The following SLC24A2 variants were observed in gnomAD, a reference collection of about 807,000 sequenced individuals.
The protein encoded by SLC24A2 is sodium/potassium/calcium exchanger 2.
SLC24A2 carries 36 observed loss-of-function variants against 62.0 expected under a neutral mutation model. The ratio of observed to expected loss-of-function variants is 0.58; its 90% CI spans 0.44 to 0.77. The LOEUF (loss-of-function observed/expected upper bound fraction) is 0.77. Ranked by LOEUF, SLC24A2 falls within the 30% of genes least tolerant of loss-of-function variation. SLC24A2 has a pLI of 0.00. For missense variants in SLC24A2, 846 were observed against 817.9 expected (o/e 1.03, Z -0.42); for synonymous variants, 358 against 294.0 (o/e 1.22, Z -2.23).
At chr9:19,904,570 C>T in the SLC24A2 span, among the ~76,000 whole-genome samples, 1 of 152,152 alleles carries the variant, frequency 6.6e-6, no homozygotes, top group African/African-American at 2.4e-5. Context: ...GACTATAAGA[C>T]CTGCCATAAA....
At chr9:20,187,056 C>T in the SLC24A2 span, among the ~76,000 whole-genome samples, 1 of 152,076 alleles carries the variant, frequency 6.6e-6, no homozygotes, top group East Asian at 1.9e-4. Flanking sequence ...GAAAGCTAGG[C>T]CTGGAGACAG....
At chr9:19,551,641 T>G (rs1174055738) in intron 7 of SLC24A2, among the ~76,000 whole-genome samples, 1 of 152,192 alleles carries the variant, frequency 6.6e-6, no homozygotes, top group Non-Finnish European at 1.5e-5. Flanking sequence ...GGGCTCTTGC[T>G]TCCAGCACCA....
chr9:19,944,438 T>C, the SLC24A2 span, among the ~76,000 whole-genome samples: 1 of 108,334 alleles, frequency 9.2e-6, no homozygotes, highest in African/African-American at 3.8e-5. Context: ...ATAAAAGTAG[T>C]AGTAAAAAAA....
intron 5 of SLC24A2, among the ~76,000 whole-genome samples, chr9:19,581,226 G>T (rs180914511): frequency 6.6e-5 from 10 of 152,226 alleles, no homozygotes; most frequent in Admixed American, 5.9e-4. Context: ...CACTTGATTA[G>T]AAAAAGGATC....
chr9:20,126,387 G>C, the SLC24A2 span, among the ~76,000 whole-genome samples: 2 of 150,808 alleles, frequency 1.3e-5, no homozygotes, highest in East Asian at 3.9e-4. Flanking sequence ...TTTTTTTCTA[G>C]ATATTAAACT....
At chr9:19,829,372 G>C in the SLC24A2 span, among the ~76,000 whole-genome samples, 1 of 152,144 alleles carries the variant, frequency 6.6e-6, no homozygotes, top group Non-Finnish European at 1.5e-5. Context: ...TGGTTGAGAA[G>C]ACTAAATGAT....
At chr9:19,703,975 T>C (rs987698524) in intron 2 of SLC24A2, among the ~76,000 whole-genome samples, 3 of 152,218 alleles carry the variant, frequency 2.0e-5, no homozygotes, top group Admixed American at 6.5e-5. Flanking sequence ...AGAATGTGTC[T>C]CATCCTAGCA....
chr9:19,708,716 A>C (rs1587193468), intron 2 of SLC24A2, among the ~76,000 whole-genome samples: 2 of 152,236 alleles, frequency 1.3e-5, no homozygotes, highest in Non-Finnish European at 2.9e-5. Context: ...GAGAAAGCTG[A>C]AACTGGATCC....
the SLC24A2 span, among the ~76,000 whole-genome samples, chr9:19,961,510 T>C: frequency 1.3e-5 from 2 of 152,248 alleles, no homozygotes; most frequent in African/African-American, 2.4e-5. Flanking sequence ...TTTCATCCTT[T>C]GGAGGTTAGC....
chr9:19,638,021 T>C (rs934493006), intron 2 of SLC24A2, among the ~76,000 whole-genome samples: 19 of 152,228 alleles, frequency 1.2e-4, no homozygotes, highest in African/African-American at 4.3e-4. Context: ...TTGACTTACA[T>C]GCATTATTCA....
At chr9:19,612,729 A>G (rs1837213108) in intron 4 of SLC24A2, among the ~76,000 whole-genome samples, 2 of 152,126 alleles carry the variant, frequency 1.3e-5, no homozygotes, top group African/African-American at 4.8e-5. Flanking sequence ...GACAGGAAAC[A>G]AGCTGGGTAT....
At position 19,512,956 on chromosome 9, in the gene SLC24A2, A is replaced by G. The variant is rs1832772770; in HGVS notation, c.*3197T>C. ...GGAAAATATGGGTACATATGTGTAT[A>G]TTTGTAAATATATGTGCATGGAACA... On this transcript the variant is annotated 3_prime_UTR_variant, in exon 11 of 11. Transcript: ENST00000341998. 1 of 151,796 alleles carries G rather than the reference A, an allele frequency of 6.6e-6. No individual in the cohort carries two copies. The highest frequency in any genetic ancestry group is 2.4e-5 in the African/African-American group (1 of 41,308). The allele number at this position is 151,796 out of a possible 1,614,324, so 9.4% of individuals were successfully genotyped here.
intron 2 of SLC24A2, among the ~76,000 whole-genome samples, chr9:19,651,088 CCT>C (rs2118158937): frequency 6.6e-6 from 1 of 152,188 alleles, no homozygotes; most frequent in African/African-American, 2.4e-5. Flanking sequence ...CAGATGTAGA[CCT>C]AATAGTATTA....
At chr9:19,955,641 T>C in the SLC24A2 span, among the ~76,000 whole-genome samples, 1 of 152,198 alleles carries the variant, frequency 6.6e-6, no homozygotes, top group East Asian at 1.9e-4. Context: ...GATTCCTATT[T>C]TCTTTCCTCA....
At chr9:19,975,292 G>C in the SLC24A2 span, among the ~76,000 whole-genome samples, 1 of 151,964 alleles carries the variant, frequency 6.6e-6, no homozygotes, top group Admixed American at 6.6e-5. Flanking sequence ...ATATTCTGAT[G>C]TCCCCTCTTA....
the SLC24A2 span, among the ~76,000 whole-genome samples, chr9:20,100,085 T>C: frequency 5.2e-3 from 784 of 152,136 alleles, 11 homozygotes; most frequent in African/African-American, 0.018. Context: ...GTGGTGCAAT[T>C]GACAGCCTCG....
At chr9:20,212,648 G>A in the SLC24A2 span, among the ~76,000 whole-genome samples, 1 of 151,198 alleles carries the variant, frequency 6.6e-6, no homozygotes, top group South Asian at 2.1e-4. Context: ...GGATAAATAA[G>A]GAAATAAGAG....
chr9:19,567,848 A>G (rs1164933927), intron 7 of SLC24A2, among the ~76,000 whole-genome samples: 1 of 152,232 alleles, frequency 6.6e-6, no homozygotes, highest in East Asian at 1.9e-4. Context: ...TTGGTTCCAC[A>G]GAATATACAA....
chr9:20,188,136 G>A, the SLC24A2 span, among the ~76,000 whole-genome samples: 550 of 152,288 alleles, frequency 3.6e-3, 4 homozygotes, highest in African/African-American at 0.013. Flanking sequence ...CTTTTCAAGG[G>A]AGGCCTTGTA....
Sources: gnomAD v4.1 joint callset for allele counts (sites outside exome capture counted in the v4.1 genomes callset) on GRCh38, gnomAD v4.1.1 for gene constraint, MANE v1.5 for transcripts, NCBI Gene and HGNC (gene_info 2026-07-23, HGNC 2026-07-21) for gene names.